The following SLC9B1 variants were observed in gnomAD, a reference collection of about 807,000 sequenced individuals.
The protein encoded by SLC9B1 is solute carrier family 9 member B1.
A neutral mutation model predicts 51.7 loss-of-function variants in SLC9B1; 32 were observed. The ratio of observed to expected loss-of-function variants is 0.62; its 90% CI spans 0.47 to 0.83. The LOEUF (loss-of-function observed/expected upper bound fraction) is 0.83, where lower values mean the gene tolerates loss of function less well. Ranked by LOEUF, SLC9B1 falls within the 40% of genes least tolerant of loss-of-function variation. The pLI is 0.00. For synonymous variants in SLC9B1, 145 were observed against 212.7 expected, an observed-to-expected ratio of 0.68 and a Z score of 2.77; for missense variants, 406 against 613.2, an observed-to-expected ratio of 0.66 and a Z score of 3.57.
At chr4:102,964,954 CT>C (rs1023408109) in intron 3 of SLC9B1, among the ~76,000 whole-genome samples, 1 of 152,038 alleles carries the variant, frequency 6.6e-6, no homozygotes, top group Non-Finnish European at 1.5e-5. Flanking sequence ...AAAGACAACT[CT>C]TTTTATTGTT....
At chr4:102,887,537 C>A (rs1733992707) in intron 11 of SLC9B1, 3 of 625,362 alleles carry the variant, frequency 4.8e-6, no homozygotes, top group African/African-American at 1.8e-5. Context: ...TATTTTCTTC[C>A]TGCACTACTG....
chr4:102,893,513 G>A (rs1734377172), intron 11 of SLC9B1, among the ~76,000 whole-genome samples: 1 of 152,178 alleles, frequency 6.6e-6, no homozygotes, highest in Non-Finnish European at 1.5e-5. Context: ...AAGTACTAGG[G>A]TTGCAAGAAG....
intron 7 of SLC9B1, among the ~76,000 whole-genome samples, chr4:102,916,559 T>C (rs1735587275): frequency 1.3e-5 from 2 of 152,150 alleles, no homozygotes; most frequent in Non-Finnish European, 2.9e-5. Context: ...AACAGAGAAC[T>C]TGAACAACAC....
At chr4:102,970,949 A>G (rs554304085) in intron 3 of SLC9B1, among the ~76,000 whole-genome samples, 1 of 152,368 alleles carries the variant, frequency 6.6e-6, no homozygotes, top group Admixed American at 6.5e-5. Flanking sequence ...TATCCTAACT[A>G]TATATGCACC....
chr4:102,943,171 A>AT (rs1261651558), intron 6 of SLC9B1, among the ~76,000 whole-genome samples: 1 of 151,774 alleles, frequency 6.6e-6, no homozygotes, highest in Admixed American at 6.6e-5. Flanking sequence ...AAAAATAAAA[A>AT]AAAAAAATAG....
At chr4:102,989,662 T>A (rs1739843268) in intron 3 of SLC9B1, 138 bp downstream of exon 3, 1 of 476,796 alleles carries the variant, frequency 2.1e-6, no homozygotes, top group Non-Finnish European at 3.5e-6. Flanking sequence ...TTCCTCTTTG[T>A]TCACATATTG....
At chr4:102,937,411 T>C (rs1736771898) in intron 6 of SLC9B1, among the ~76,000 whole-genome samples, 1 of 85,604 alleles carries the variant, frequency 1.2e-5, no homozygotes, top group African/African-American at 5.3e-5. Flanking sequence ...TTCAGCATTC[T>C]TAAAAAAAAA....
At chr4:102,950,333 G>GT (rs747575621) in intron 3 of SLC9B1, among the ~76,000 whole-genome samples, 2 of 152,192 alleles carry the variant, frequency 1.3e-5, no homozygotes, top group Non-Finnish European at 2.9e-5. Context: ...GGAAGTAGAG[G>GT]TAGATAAGAT....
chr4:102,886,565 T>G (rs1733929913), intron 11 of SLC9B1, among the ~76,000 whole-genome samples: 1 of 152,146 alleles, frequency 6.6e-6, no homozygotes, highest in Non-Finnish European at 1.5e-5. Context: ...TATTATTATG[T>G]GTATCTGGAT....
At chr4:102,923,928 C>T (rs1201094333) in intron 7 of SLC9B1, among the ~76,000 whole-genome samples, 1 of 152,184 alleles carries the variant, frequency 6.6e-6, no homozygotes, top group Non-Finnish European at 1.5e-5. Flanking sequence ...AATGGAAGAA[C>T]ATTCCATGCT....
In SLC9B1 at chr4:102,932,349, G is replaced by A. The variant is rs184237236; in HGVS notation, c.654-50C>T. ...TTAAAAGCATCTTTTAAATCAAGTA[G>A]TGTTTTATAAGTACAAGTAGTTTAT... On this transcript the variant is annotated intron_variant, in intron 6 of 11. Coordinates refer to ENST00000296422, the MANE Select transcript of SLC9B1 (RefSeq NM_139173.4). The A allele has an allele frequency of 5.4e-6, 8 of 1,491,176 alleles. No homozygotes were observed. The Admixed American group carries it at 1.1e-4, about 21-fold the overall frequency. 92.4% of individuals were successfully genotyped at this position (1,491,176 alleles called of 1,614,324 possible). A position where few individuals can be genotyped will look rare whatever the true frequency, so the allele number is the denominator to read the frequency against.
chr4:102,967,919 T>C (rs1034055184), intron 3 of SLC9B1, among the ~76,000 whole-genome samples: 2 of 152,226 alleles, frequency 1.3e-5, no homozygotes, highest in Non-Finnish European at 2.9e-5. Context: ...TGACTCAATA[T>C]TGTTAGATGT....
intron 3 of SLC9B1, among the ~76,000 whole-genome samples, chr4:102,980,531 G>C (rs1392062932): frequency 6.6e-6 from 1 of 152,062 alleles, no homozygotes; most frequent in Non-Finnish European, 1.5e-5. Flanking sequence ...TTATATGTGG[G>C]AGCTGAATGA....
chr4:102,949,367 G>C lies in SLC9B1; in HGVS notation c.272C>G (p.Pro91Arg), dbSNP rs1023712869. 6.2e-7 allele frequency: 1 copy of C among 1,610,588 alleles called. No individual in the cohort carries two copies. Among genetic ancestry groups the C allele is most frequent in the African/African-American group, 1.3e-5 (1 of 74,770 alleles). The stretch of plus-strand genomic sequence containing the variant: ...GAACAACCCAAATAAATTTCCACCA[G>C]GGAGAGCTTCAGAGCCTAAGATTGA... ...TWSILGSEAL[P>R]GGNLFGLFII... The change falls in exon 4 of 12, where the codon CCT becomes CGT. Residue 91 changes from proline to arginine, a missense_variant. Physicochemically the swap from Pro to Arg is moderately radical, Grantham distance 103. This residue lies in a region of SLC9B1 where 250 missense variants were observed against 394.1 expected (regional missense o/e 0.63). Coordinates refer to ENST00000296422, the MANE Select transcript of SLC9B1 (RefSeq NM_139173.4).
chr4:102,912,651 C>A (rs1404751894), intron 7 of SLC9B1, among the ~76,000 whole-genome samples: 2 of 152,212 alleles, frequency 1.3e-5, no homozygotes, highest in Admixed American at 6.5e-5. Context: ...GAGGCCAAGG[C>A]AGAAGGATTG....
At chr4:102,936,262 T>C (rs1420517102) in intron 6 of SLC9B1, among the ~76,000 whole-genome samples, 1 of 152,114 alleles carries the variant, frequency 6.6e-6, no homozygotes, top group Non-Finnish European at 1.5e-5. Flanking sequence ...AAAAGCTCCA[T>C]CCAAAGGACA....
chr4:102,954,915 C>T (rs1737704718), intron 3 of SLC9B1, among the ~76,000 whole-genome samples: 1 of 152,088 alleles, frequency 6.6e-6, no homozygotes, highest in Non-Finnish European at 1.5e-5. Context: ...ACCAAAACTC[C>T]CCCCAAAAAT....
At chr4:102,889,683 A>G (rs890204490) in intron 11 of SLC9B1, 3 of 152,188 alleles carry the variant, frequency 2.0e-5, no homozygotes, top group Admixed American at 1.3e-4. Context: ...AGCTATGCCC[A>G]TATCTTTTCC....
chr4:102,982,853 T>C (rs2110511704), intron 3 of SLC9B1, among the ~76,000 whole-genome samples: 1 of 152,234 alleles, frequency 6.6e-6, no homozygotes, highest in East Asian at 1.9e-4. Context: ...ATTTCTTCCT[T>C]CCTAACCTGT....
Sources: gnomAD v4.1 joint callset for allele counts (sites outside exome capture counted in the v4.1 genomes callset) on GRCh38, gnomAD v4.1.1 for gene constraint, gnomAD v4.1.1 regional missense constraint, MANE v1.5 for transcripts, NCBI Gene and HGNC (gene_info 2026-07-23, HGNC 2026-07-21) for gene names.